Variants in SLX9 observed in about 807,000 individuals in gnomAD.
The protein encoded by SLX9 is SLX9 ribosome biogenesis factor.
A neutral mutation model predicts 20.8 loss-of-function variants in SLX9; 19 were observed. The observed-to-expected ratio is 0.91, with a 90% CI of 0.64 to 1.34. SLX9 has a LOEUF of 1.34. SLX9 is among the 40% of genes most tolerant of loss of function. The pLI is 0.00. For synonymous variants in SLX9, 113 were observed against 137.1 expected, an observed-to-expected ratio of 0.82 and a Z score of 1.23; for missense variants, 299 against 322.2, an observed-to-expected ratio of 0.93 and a Z score of 0.55.
intron 2 of SLX9, among the ~76,000 whole-genome samples, chr21:44,951,682 C>T (rs574768010): frequency 3.3e-5 from 5 of 152,280 alleles, no homozygotes; most frequent in East Asian, 3.9e-4. Context: ...CGCCCGAGCG[C>T]GCTGTGTGGG....
At chr21:44,971,436 G>C (rs1274190547) in intron 4 of SLX9, among the ~76,000 whole-genome samples, 1 of 152,150 alleles carries the variant, frequency 6.6e-6, no homozygotes, top group Non-Finnish European at 1.5e-5. Flanking sequence ...GGACGCGTGG[G>C]TGGGGGACGG....
intron 3 of SLX9, among the ~76,000 whole-genome samples, chr21:44,960,620 C>T (rs764734175): frequency 3.3e-5 from 5 of 152,220 alleles, no homozygotes; most frequent in Non-Finnish European, 5.9e-5. Context: ...CCTTCCAGGC[C>T]TTGCCCGCGG....
At chr21:44,947,905 A>T (rs1281312665) in intron 2 of SLX9, among the ~76,000 whole-genome samples, 1 of 152,112 alleles carries the variant, frequency 6.6e-6, no homozygotes, top group African/African-American at 2.4e-5. Context: ...CAGCCTGTGG[A>T]CCCCATGTCG....
rs774513549 is a variant in SLX9, at chr21:44,976,777, C to G, written c.667C>G (p.Gln223Glu). Residue 223 changes from glutamine to glutamate, a missense_variant, in exon 6 of 6, where the codon CAG (glutamine) becomes GAG (glutamate). Transcript: ENST00000291634. Reference sequence around the variant, plus strand: ...CGGGCAGACGCTGGCCCGGCAGATGCAGCTGGAAGATGGCGGCCAGCTCTG... The same window carrying G: ...CGGGCAGACGCTGGCCCGGCAGATGGAGCTGGAAGATGGCGGCCAGCTCTG... ...AIGQTLARQM[Q>E]LEDGGQL is the part of the protein sequence containing the mutation. 1.4e-5 allele frequency: 22 copies of G among 1,549,100 alleles called. No individual in the cohort carries two copies. Among genetic ancestry groups the G allele is most frequent in the Non-Finnish European group, 1.8e-5 (21 of 1,149,032 alleles).
intron 5 of SLX9, 73 bp from the exon 6 acceptor site, chr21:44,976,607 A>T (rs1357239444): frequency 7.2e-6 from 11 of 1,528,598 alleles, no homozygotes; most frequent in African/African-American, 1.4e-5. Flanking sequence ...TCGGTGTCTG[A>T]CGTTTCCGGG....
chr21:44,949,288 C>G (rs937376776), intron 2 of SLX9, among the ~76,000 whole-genome samples: 1 of 152,144 alleles, frequency 6.6e-6, no homozygotes, highest in Non-Finnish European at 1.5e-5. Flanking sequence ...TGCTCCTGAT[C>G]AGGGAGTGGA....
At chr21:44,969,414 C>T in intron 4 of SLX9, 1 of 351,032 alleles carries the variant, frequency 2.8e-6, no homozygotes. Context: ...TGTATCAACA[C>T]CCAGCCCCCA....
chr21:44,955,481 T>G (rs2084839683), intron 2 of SLX9, among the ~76,000 whole-genome samples: 1 of 152,204 alleles, frequency 6.6e-6, no homozygotes, highest in Non-Finnish European at 1.5e-5. Context: ...TACCGTTAAG[T>G]GACAGCCTCC....
intron 5 of SLX9, among the ~76,000 whole-genome samples, chr21:44,974,008 G>A (rs942931531): frequency 2.6e-5 from 4 of 152,340 alleles, no homozygotes; most frequent in South Asian, 2.1e-4. Flanking sequence ...TGGGCACTGC[G>A]GCCCCCAGTT....
intron 2 of SLX9, among the ~76,000 whole-genome samples, chr21:44,950,838 C>T (rs1053033572): frequency 1.3e-5 from 2 of 152,102 alleles, no homozygotes; most frequent in Admixed American, 6.5e-5. Flanking sequence ...CGATCAGCTC[C>T]TTCATCTGCG....
At chr21:44,965,656 C>A (rs1248438574) in intron 3 of SLX9, among the ~76,000 whole-genome samples, 1 of 152,196 alleles carries the variant, frequency 6.6e-6, no homozygotes, top group African/African-American at 2.4e-5. Context: ...GAGGCATTTC[C>A]CGGGAGAACC....
At chr21:44,974,817 C>T (rs943228405) in intron 5 of SLX9, among the ~76,000 whole-genome samples, 3 of 152,218 alleles carry the variant, frequency 2.0e-5, no homozygotes, top group Non-Finnish European at 4.4e-5. Context: ...GAGCCCTCTC[C>T]GTGTGGCCAT....
At chr21:44,963,393 A>ATTTT (rs2084981270) in intron 3 of SLX9, among the ~76,000 whole-genome samples, 2 of 150,654 alleles carry the variant, frequency 1.3e-5, no homozygotes, top group Non-Finnish European at 1.5e-5. Flanking sequence ...TTTTTTTTAA[A>ATTTT]TAAACGAGAG....
intron 2 of SLX9, among the ~76,000 whole-genome samples, chr21:44,947,581 A>T (rs529269040): frequency 2.1e-4 from 31 of 148,750 alleles, no homozygotes; most frequent in Non-Finnish European, 4.1e-4. Context: ...CATCGTTCCT[A>T]TCCTGTGACT....
chr21:44,968,099 AC>A (rs2123445146), intron 4 of SLX9, among the ~76,000 whole-genome samples: 1 of 137,732 alleles, frequency 7.3e-6, no homozygotes, highest in Non-Finnish European at 1.5e-5. Flanking sequence ...GGGCCCCTCC[AC>A]CCCCCTGCCC....
At chr21:44,962,201 A>G (rs370891553) in intron 3 of SLX9, among the ~76,000 whole-genome samples, 2 of 152,260 alleles carry the variant, frequency 1.3e-5, no homozygotes, top group African/African-American at 4.8e-5. Flanking sequence ...ATGAAATGCA[A>G]ATCTAAAGTG....
At chr21:44,949,666 G>A (rs918450200) in intron 2 of SLX9, among the ~76,000 whole-genome samples, 9 of 152,174 alleles carry the variant, frequency 5.9e-5, no homozygotes, top group African/African-American at 9.6e-5. Context: ...GGCTGTGTAC[G>A]ACCTGCTGCT....
chr21:44,947,483 C>G (rs531277101), intron 2 of SLX9, among the ~76,000 whole-genome samples: 1 of 152,194 alleles, frequency 6.6e-6, no homozygotes, highest in African/African-American at 2.4e-5. Flanking sequence ...CTCCCCCACT[C>G]TAGCCCTGGG....
intron 5 of SLX9, among the ~76,000 whole-genome samples, chr21:44,974,927 C>T (rs1453379896): frequency 2.0e-5 from 3 of 152,202 alleles, no homozygotes; most frequent in Non-Finnish European, 2.9e-5. Flanking sequence ...CTCTTGCAGA[C>T]TGTCTGTCGC....
Sources: gnomAD v4.1 joint callset for allele counts (sites outside exome capture counted in the v4.1 genomes callset) on GRCh38, gnomAD v4.1.1 for gene constraint, MANE v1.5 for transcripts, NCBI Gene and HGNC (gene_info 2026-07-23, HGNC 2026-07-21) for gene names.